The following MACROD2 variants were observed in gnomAD, a reference collection of about 807,000 sequenced individuals.
MACROD2 encodes ADP-ribose glycohydrolase MACROD2.
Under a neutral mutation model 70.4 loss-of-function variants are expected in MACROD2, and 36 were observed. The ratio of observed to expected loss-of-function variants is 0.51; its 90% CI spans 0.39 to 0.68. The LOEUF (loss-of-function observed/expected upper bound fraction) is 0.68. Ranked by LOEUF, MACROD2 falls within the 30% of genes least tolerant of loss-of-function variation. The pLI, the probability that MACROD2 is intolerant of heterozygous loss-of-function variation, is 0.00. For synonymous variants in MACROD2, 172 were observed against 178.8 expected, an observed-to-expected ratio of 0.96 and a Z score of 0.30; for missense variants, 496 against 538.4, an observed-to-expected ratio of 0.92 and a Z score of 0.78.
At chr20:15,229,094 G>A (rs1409919075) in intron 5 of MACROD2, among the ~76,000 whole-genome samples, 4 of 152,248 alleles carry the variant, frequency 2.6e-5, no homozygotes, top group South Asian at 2.1e-4. Flanking sequence ...TGATTAAAAC[G>A]TGGGGTTTTT....
At chr20:15,258,141 A>G (rs772800447) in intron 6 of MACROD2, among the ~76,000 whole-genome samples, 1 of 152,116 alleles carries the variant, frequency 6.6e-6, no homozygotes, top group African/African-American at 2.4e-5. Context: ...GTTTTAAGCT[A>G]TTATTTCCAA....
At chr20:14,378,847 G>T (rs888586965) in intron 3 of MACROD2, among the ~76,000 whole-genome samples, 5 of 152,122 alleles carry the variant, frequency 3.3e-5, no homozygotes, top group Non-Finnish European at 5.9e-5. Flanking sequence ...TGTTGCAGAA[G>T]CTTTCCCACA....
chr20:14,203,837 A>C (rs528004271), intron 3 of MACROD2, among the ~76,000 whole-genome samples: 1 of 152,240 alleles, frequency 6.6e-6, no homozygotes, highest in African/African-American at 2.4e-5. Context: ...TGGCAGGTCC[A>C]GGTGGGCCAG....
chr20:14,874,840 G>T (rs564018616), intron 5 of MACROD2, among the ~76,000 whole-genome samples: 2 of 151,692 alleles, frequency 1.3e-5, no homozygotes, highest in South Asian at 2.1e-4. Context: ...GAGTAGCTGG[G>T]ATTACAGGTG....
At chr20:15,152,493 T>TCAGGGCACGGAAG (rs1333724503) in intron 5 of MACROD2, among the ~76,000 whole-genome samples, 3 of 145,708 alleles carry the variant, frequency 2.1e-5, no homozygotes, top group Non-Finnish European at 4.5e-5. Context: ...AGATAAGAGG[T>TCAGGGCACGGAAG]TAGGGCATGG....
chr20:15,620,147 G>A (rs2049104497), intron 8 of MACROD2, among the ~76,000 whole-genome samples: 1 of 152,168 alleles, frequency 6.6e-6, no homozygotes, highest in Non-Finnish European at 1.5e-5. Flanking sequence ...TGGAGATGGG[G>A]GACAAGGCAG....
intron 4 of MACROD2, among the ~76,000 whole-genome samples, chr20:14,501,421 A>G (rs1055898836): frequency 1.3e-5 from 2 of 151,772 alleles, no homozygotes; most frequent in Non-Finnish European, 2.9e-5. Context: ...CTTGTCATTG[A>G]CATCATATTA....
intron 3 of MACROD2, among the ~76,000 whole-genome samples, chr20:14,275,712 A>G (rs1422035808): frequency 2.0e-5 from 3 of 152,340 alleles, no homozygotes; most frequent in East Asian, 3.9e-4. Flanking sequence ...GAATGGGAGA[A>G]AATTTTCACA....
intron 8 of MACROD2, among the ~76,000 whole-genome samples, chr20:15,763,765 T>C (rs1245128418): frequency 6.6e-6 from 1 of 152,228 alleles, no homozygotes; most frequent in Non-Finnish European, 1.5e-5. Flanking sequence ...TTTGGGTCAA[T>C]TGTTACAAAT....
intron 8 of MACROD2, among the ~76,000 whole-genome samples, chr20:15,778,700 A>C (rs1477273089): frequency 6.6e-6 from 1 of 152,070 alleles, no homozygotes; most frequent in Non-Finnish European, 1.5e-5. Flanking sequence ...ACAGAGGTTG[A>C]AATGAATGAA....
rs749270490 is a variant in MACROD2 at position 15,536,271 on chromosome 20, G to A, written c.645+36424G>A. Reference sequence around the variant, plus strand: ...TTTTGTTCTTTACTGAAAGGCCTCCGAATAGGAATGGTGAAATTCTTTTTA... The same window carrying A: ...TTTTGTTCTTTACTGAAAGGCCTCCAAATAGGAATGGTGAAATTCTTTTTA... On this transcript the variant is annotated intron_variant, in intron 8 of 17. Transcript: ENST00000684519. Among the ~76,000 whole-genome samples the A allele has an allele frequency of 4.6e-5, 7 of 152,266 alleles. No homozygotes were observed. The South Asian group carries it at 1.0e-3, about 23-fold the overall frequency.
chr20:14,501,492 A>G (rs557876872), intron 4 of MACROD2, among the ~76,000 whole-genome samples: 2 of 151,886 alleles, frequency 1.3e-5, no homozygotes, highest in Non-Finnish European at 2.9e-5. Flanking sequence ...AGCTTCAATA[A>G]TATAGAAAAA....
At chr20:14,415,866 A>G (rs2083798448) in intron 3 of MACROD2, among the ~76,000 whole-genome samples, 1 of 152,120 alleles carries the variant, frequency 6.6e-6, no homozygotes, top group South Asian at 2.1e-4. Context: ...TCCAGCTGCA[A>G]CCCATAGTTT....
intron 6 of MACROD2, among the ~76,000 whole-genome samples, chr20:15,386,748 C>T (rs2045718633): frequency 6.6e-6 from 1 of 152,134 alleles, no homozygotes; most frequent in Non-Finnish European, 1.5e-5. Flanking sequence ...TTTTTTTCCC[C>T]TTGTACAATA....
At chr20:14,285,461 G>C (rs2082336365) in intron 3 of MACROD2, among the ~76,000 whole-genome samples, 1 of 152,110 alleles carries the variant, frequency 6.6e-6, no homozygotes, top group Non-Finnish European at 1.5e-5. Flanking sequence ...GATTAGGGCT[G>C]CTTAACCTGT....
intron 5 of MACROD2, among the ~76,000 whole-genome samples, chr20:15,075,575 T>C (rs1286480185): frequency 6.6e-6 from 1 of 152,182 alleles, no homozygotes; most frequent in Admixed American, 6.5e-5. Context: ...TCATCTTCAA[T>C]ATGAGGCTAG....
At chr20:15,835,479 A>G (rs879082059) in intron 8 of MACROD2, among the ~76,000 whole-genome samples, 2 of 152,100 alleles carry the variant, frequency 1.3e-5, no homozygotes, top group Admixed American at 1.3e-4. Context: ...ATTAACTATT[A>G]TATTATTCAT....
chr20:15,885,708 C>T (rs2062424427), intron 9 of MACROD2, 56 bp from the exon 10 acceptor site: 2 of 1,397,158 alleles, frequency 1.4e-6, no homozygotes, highest in Non-Finnish European at 1.9e-6. Flanking sequence ...CTGGAACATT[C>T]TTGTGTTTCC....
intron 8 of MACROD2, among the ~76,000 whole-genome samples, chr20:15,624,630 T>TAC (rs2049176107): frequency 1.3e-5 from 2 of 152,228 alleles, no homozygotes; most frequent in African/African-American, 2.4e-5. Context: ...CATGCCCATT[T>TAC]TTAAAATATA....
Sources: gnomAD v4.1 joint callset for allele counts (sites outside exome capture counted in the v4.1 genomes callset) on GRCh38, gnomAD v4.1.1 for gene constraint, MANE v1.5 for transcripts, NCBI Gene and HGNC (gene_info 2026-07-23, HGNC 2026-07-21) for gene names.